The following BRD3 variants were observed in gnomAD, a reference collection of about 807,000 sequenced individuals.
BRD3 encodes the protein bromodomain-containing protein 3.
In BRD3, 17 loss-of-function variants were observed where a neutral mutation model predicts 66.8. The ratio of observed to expected loss-of-function variants is 0.25; its 90% CI spans 0.17 to 0.38. BRD3 has a LOEUF of 0.38. Among genes scored for constraint, BRD3 ranks in the 10% least tolerant of loss-of-function variants. BRD3 has a pLI of 1.00. For missense variants in BRD3, 713 were observed against 956.1 expected, an observed-to-expected ratio of 0.75 and a Z score of 3.35; for synonymous variants, 421 against 393.2, an observed-to-expected ratio of 1.07 and a Z score of -0.84.
At chr9:134,042,047 C>T in intron 7 of BRD3, 96 bp from the exon 8 acceptor site, 2 of 1,327,146 alleles carry the variant, frequency 1.5e-6, no homozygotes, top group South Asian at 1.6e-5. Context: ...CCTGAGGCAG[C>T]ACCCACAGCT....
At chr9:134,066,870 T>C (rs147260437) in intron 1 of BRD3, among the ~76,000 whole-genome samples, 1,867 of 152,292 alleles carry the variant, frequency 0.012, 42 homozygotes, top group African/African-American at 0.043. Flanking sequence ...ACTCAAGGAT[T>C]GGGTCGAACG....
chr9:134,065,210 G>C (rs1830625251), intron 1 of BRD3, among the ~76,000 whole-genome samples: 1 of 152,198 alleles, frequency 6.6e-6, no homozygotes, highest in Middle Eastern at 3.2e-3. Flanking sequence ...GGATCACGAG[G>C]TGAGGAGTTC....
intron 4 of BRD3, 33 bp downstream of exon 4, chr9:134,051,529 G>GC (rs772052299): frequency 8.5e-5 from 127 of 1,498,002 alleles, no homozygotes; most frequent in Admixed American, 6.9e-4. Flanking sequence ...CTGCAGAGAG[G>GC]CCCAGCCCCT....
chr9:134,051,873 GTGTGTTGTTTTTTTTGTTTTTT>G (rs1830308434), intron 3 of BRD3, among the ~76,000 whole-genome samples, 164 bp from the exon 4 acceptor site: 2 of 106,454 alleles, frequency 1.9e-5, no homozygotes, highest in African/African-American at 9.7e-5. Context: ...GTGTGTGTGT[GTGTGTTGTTTTTTTTGTTTTTT>G]TTTTTTTTTT....
intron 1 of BRD3, among the ~76,000 whole-genome samples, chr9:134,063,772 T>A (rs1207516939): frequency 6.6e-6 from 1 of 152,210 alleles, no homozygotes; most frequent in Non-Finnish European, 1.5e-5. Context: ...CCTCTGCAGA[T>A]CACACCCGAG....
At chr9:134,063,088 G>T (rs1021552904) in intron 1 of BRD3, among the ~76,000 whole-genome samples, 2 of 152,190 alleles carry the variant, frequency 1.3e-5, no homozygotes, top group African/African-American at 2.4e-5. Flanking sequence ...GTCCCACTCA[G>T]CCATGCCGAG....
At chr9:134,055,498 T>G (rs1444798142) in intron 1 of BRD3, among the ~76,000 whole-genome samples, 1 of 152,110 alleles carries the variant, frequency 6.6e-6, no homozygotes, top group South Asian at 2.1e-4. Flanking sequence ...GCACAGACAC[T>G]GGGGCCAGCC....
intron 1 of BRD3, among the ~76,000 whole-genome samples, chr9:134,066,510 T>C (rs1181520994): frequency 6.6e-6 from 1 of 150,720 alleles, no homozygotes; most frequent in African/African-American, 2.4e-5. Context: ...AAAAATGCCA[T>C]ACAACTTTGC....
In BRD3 at chr9:134,053,473, G is replaced by T; in HGVS notation, c.5C>A (p.Ser2Tyr). 1 of 1,594,668 alleles carries T rather than the reference G, an allele frequency of 6.3e-7. No individual in the cohort carries two copies. M[S>Y]TATTVAPAGI... The stretch of plus-strand genomic sequence containing the variant: ...CGCGGGGGCGACTGTCGTGGCGGTG[G>T]ACATCCTCCGGCAGCTCACTCACTT... Residue 2 changes from serine to tyrosine, a missense_variant, in exon 2 of 12, where the codon TCC (serine) becomes TAC (tyrosine). Transcript: ENST00000303407.
At position 134,032,839 on chromosome 9, in the gene BRD3, CCTT is replaced by C; in HGVS notation, c.*748_*750del. On this transcript the variant is annotated 3_prime_UTR_variant, in exon 12 of 12. Transcript: ENST00000303407. ...TTGCCGAACCTTACAAAAAAAGTCT[CCTT>C]TTTTTTTTTTTTTAAATCTTTTCTT... The C allele has an allele frequency of 1.6e-5, 4 of 256,226 alleles. No homozygotes were observed. The highest frequency in any genetic ancestry group is 1.3e-5 in the Non-Finnish European group (2 of 148,778). The allele number at this position is 256,226 out of a possible 1,614,324, so 15.9% of individuals were successfully genotyped here.
chr9:134,057,278 G>T (rs925014128), intron 1 of BRD3: 2 of 152,226 alleles, frequency 1.3e-5, no homozygotes, highest in African/African-American at 4.8e-5. Context: ...ACAAGAGAAG[G>T]ACGGTGGTGG....
At position 134,053,300 on chromosome 9, in the gene BRD3, A is replaced by G; in HGVS notation, c.178T>C (p.Tyr60His). Reference protein sequence around the residue: ...LWKHQFAWPFYQPVDAIKLNL... With the variant: ...LWKHQFAWPFHQPVDAIKLNL... Reference sequence around the variant, plus strand: ...AATTTGATTGCGTCCACGGGCTGGTAGAAGGGCCAGGCGAACTGGTGTTTC... The same window carrying G: ...AATTTGATTGCGTCCACGGGCTGGTGGAAGGGCCAGGCGAACTGGTGTTTC... Residue 60 changes from tyrosine (Y) to histidine (H), a missense_variant, in exon 2 of 12, where the codon TAC becomes CAC. Physicochemically the swap from Tyr to His is moderately conservative, Grantham distance 83 (BLOSUM62 2). Coordinates refer to ENST00000303407, the MANE Select transcript of BRD3 (RefSeq NM_007371.4). The G allele has an allele frequency of 6.2e-7, 1 of 1,613,528 alleles. No individual in the cohort carries two copies. The highest frequency in any genetic ancestry group is 8.5e-7 in the Non-Finnish European group (1 of 1,179,982).
chr9:134,051,743 G>A lies in BRD3; in HGVS notation c.352-34C>T, dbSNP rs201419433. 1.2e-5 allele frequency: 19 copies of A among 1,571,628 alleles called. No individual in the cohort carries two copies. The Admixed American group carries it at 1.3e-4, about 11-fold the overall frequency. On this transcript the variant is annotated intron_variant, in intron 3 of 11. Coordinates refer to ENST00000303407, the MANE Select transcript of BRD3 (RefSeq NM_007371.4). ...ACAGAGAGTCCAGGTCACGTGTCAGGAAAGGAGCTGTGTGCTTGCAAAGGA... is the reference window on the plus strand; with the variant it reads ...ACAGAGAGTCCAGGTCACGTGTCAGAAAAGGAGCTGTGTGCTTGCAAAGGA...
At chr9:134,051,277 G>C (rs1747619740) in intron 4 of BRD3, among the ~76,000 whole-genome samples, 1 of 152,212 alleles carries the variant, frequency 6.6e-6, no homozygotes. Context: ...GGGGGAGCAG[G>C]ATTTGGGAGG....
At chr9:134,060,248 A>G (rs12002975) in intron 1 of BRD3, among the ~76,000 whole-genome samples, 2,410 of 152,198 alleles carry the variant, frequency 0.016, 66 homozygotes, top group African/African-American at 0.054. Flanking sequence ...CAAACCACAA[A>G]AGTCCTCGAA....
chr9:134,033,698 G>T lies in BRD3; in HGVS notation c.2073C>A (p.Pro691=), dbSNP rs56166940. 8,085 of 742,202 alleles carry T rather than the reference G, an allele frequency of 0.011. 432 individuals are homozygous for T. The African/African-American group carries it at 0.11, about 11-fold the overall frequency. The allele number at this position is 742,202 out of a possible 1,614,324, so 46.0% of individuals were successfully genotyped here. The change falls in exon 12 of 12, where the codon CCC becomes CCA. Residue 691 remains proline (P), a synonymous_variant. Coordinates refer to ENST00000303407, the MANE Select transcript of BRD3 (RefSeq NM_007371.4). This position sits in a 1 kb window ranked among gnomAD's most constrained non-coding sequence, Gnocchi z 5.1. ...ACGGGCCCCCTGAGGGTGCTGAGCCGGGCTTCTCTGTGGAGACATGGGCAG... is the reference window on the plus strand; with the variant it reads ...ACGGGCCCCCTGAGGGTGCTGAGCCTGGCTTCTCTGTGGAGACATGGGCAG... ...SSKKPARKEK[P]GSAPSGGPSR... is the part of the protein sequence containing the mutation.
At chr9:134,068,176 C>T (rs1383031784), upstream of BRD3, among the ~76,000 whole-genome samples, 1 of 144,338 alleles carries the variant, frequency 6.9e-6, no homozygotes, top group Non-Finnish European at 1.5e-5. Context: ...CGCGCCCCGC[C>T]CCGGGGGCCC....
At chr9:134,067,691 G>A (rs1830697497) in intron 1 of BRD3, among the ~76,000 whole-genome samples, 1 of 145,994 alleles carries the variant, frequency 6.8e-6, no homozygotes, top group African/African-American at 2.5e-5. Flanking sequence ...AGCGGGAGCG[G>A]GAGGAGGGGA....
chr9:134,066,817 T>C (rs1295421591), intron 1 of BRD3, among the ~76,000 whole-genome samples: 1 of 152,230 alleles, frequency 6.6e-6, no homozygotes, highest in East Asian at 1.9e-4. Flanking sequence ...CCAGTATCTA[T>C]TTCTGAGCAG....
Sources: gnomAD v4.1 joint callset for allele counts (sites outside exome capture counted in the v4.1 genomes callset) on GRCh38, gnomAD v4.1.1 for gene constraint, Gnocchi (gnomAD v3.1) non-coding constraint, MANE v1.5 for transcripts, NCBI Gene and HGNC (gene_info 2026-07-23, HGNC 2026-07-21) for gene names.